Variants in ENOX2 observed in about 807,000 individuals in gnomAD.
ENOX2 encodes APK1 antigen.
A neutral mutation model predicts 45.0 loss-of-function variants in ENOX2; 36 were observed. The ratio of observed to expected loss-of-function variants is 0.80; its 90% CI spans 0.61 to 1.06. The LOEUF (loss-of-function observed/expected upper bound fraction) is 1.06. ENOX2 is among the 50% of genes least tolerant of loss of function. The pLI is 0.00. For missense variants in ENOX2, 423 were observed against 462.5 expected (o/e 0.91, Z 0.78); for synonymous variants, 174 against 152.3 (o/e 1.14, Z -1.05).
At chrX:130,884,387 T>C (rs2078868723) in intron 2 of ENOX2, among the ~76,000 whole-genome samples, 1 of 112,149 alleles carries the variant, frequency 8.9e-6, no homozygotes, top group African/African-American at 3.2e-5. Context: ...CCCATTTTCT[T>C]ATCAACATTC....
At chrX:130,628,366 A>G (rs1052445235) in intron 13 of ENOX2, among the ~76,000 whole-genome samples, 9 of 112,045 alleles carry the variant, frequency 8.0e-5, no homozygotes, top group Non-Finnish European at 1.5e-4. Context: ...CATGTAGAAA[A>G]GCTGGCATTT....
intron 3 of ENOX2, among the ~76,000 whole-genome samples, chrX:130,768,938 A>G (rs1169083565): frequency 9.0e-6 from 1 of 111,431 alleles, no homozygotes; most frequent in Non-Finnish European, 1.9e-5. Context: ...GAGGGGAAGA[A>G]GATGATCGGT....
chrX:130,793,628 T>C (rs914772628), intron 2 of ENOX2, among the ~76,000 whole-genome samples: 2 of 111,984 alleles, frequency 1.8e-5, no homozygotes, highest in East Asian at 5.6e-4. Context: ...TCTAAATCCA[T>C]ATTTTCGTAC....
intron 6 of ENOX2, among the ~76,000 whole-genome samples, chrX:130,673,414 T>C (rs2037042583): frequency 9.3e-6 from 1 of 107,677 alleles, no homozygotes; most frequent in Admixed American, 9.9e-5. Flanking sequence ...CAAGAGAAAG[T>C]TGAAAACTAA....
intron 2 of ENOX2, among the ~76,000 whole-genome samples, chrX:130,865,249 G>A (rs1314459425): frequency 2.7e-5 from 3 of 111,165 alleles, no homozygotes; most frequent in East Asian, 2.8e-4. Flanking sequence ...GAATATATCC[G>A]ATTCAGATGA....
At chrX:130,758,708 T>C (rs998063240) in intron 3 of ENOX2, among the ~76,000 whole-genome samples, 1 of 111,873 alleles carries the variant, frequency 8.9e-6, no homozygotes, top group African/African-American at 3.3e-5. Context: ...GTGATCTAGT[T>C]TCTCTGAATC....
chrX:130,866,323 A>T (rs753752065), intron 2 of ENOX2, among the ~76,000 whole-genome samples: 2 of 111,698 alleles, frequency 1.8e-5, no homozygotes, highest in East Asian at 5.6e-4. Flanking sequence ...TCTCATTCAC[A>T]CTACTTCTAG....
chrX:130,875,414 G>A (rs1190620876), intron 2 of ENOX2, among the ~76,000 whole-genome samples: 1 of 110,908 alleles, frequency 9.0e-6, no homozygotes, highest in East Asian at 2.8e-4. Flanking sequence ...CTGACATAAG[G>A]GCAGGCATAT....
At chrX:130,714,371 A>G (rs2038272448) in intron 3 of ENOX2, among the ~76,000 whole-genome samples, 1 of 111,862 alleles carries the variant, frequency 8.9e-6, no homozygotes, top group African/African-American at 3.2e-5. Flanking sequence ...GTGCATCAGA[A>G]TCACCTTGGG....
At chrX:130,708,612 C>T (rs2038100960) in intron 3 of ENOX2, among the ~76,000 whole-genome samples, 1 of 112,183 alleles carries the variant, frequency 8.9e-6, no homozygotes, top group Admixed American at 9.4e-5. Context: ...CTGTCTCTCC[C>T]CAGAAATTGC....
intron 2 of ENOX2, among the ~76,000 whole-genome samples, chrX:130,789,823 T>G (rs2077016101): frequency 8.9e-6 from 1 of 112,252 alleles, no homozygotes; most frequent in Admixed American, 9.4e-5. Flanking sequence ...CAGGTGCTGT[T>G]GAAGGATTTA....
Position 130,734,475 on chromosome X carries a change from G to A in ENOX2, c.-38-31221C>T, listed in dbSNP as rs182775989. 3.9e-3 allele frequency among the ~76,000 whole-genome samples: 431 copies of A among 111,655 alleles called. 2 individuals are homozygous for A. Among genetic ancestry groups the A allele is most frequent in the African/African-American group, 0.014 (417 of 30,766 alleles). On this transcript the variant is annotated intron_variant, in intron 3 of 14. Coordinates refer to ENST00000394363, the MANE Select transcript of ENOX2 (RefSeq NM_006375.4). Reference sequence around the variant, plus strand: ...GACAGCACGGAAAAGTAAAAGAGAGGGCTGCGAGTTGTAGAGGAGAAAAAA... The same window carrying A: ...GACAGCACGGAAAAGTAAAAGAGAGAGCTGCGAGTTGTAGAGGAGAAAAAA...
intron 6 of ENOX2, among the ~76,000 whole-genome samples, chrX:130,671,062 T>G (rs767856327): frequency 9.0e-6 from 1 of 111,253 alleles, no homozygotes; most frequent in Admixed American, 9.5e-5. Context: ...CAAAAGAGGT[T>G]AGGGAGGTTA....
intron 3 of ENOX2, among the ~76,000 whole-genome samples, chrX:130,745,854 A>G (rs1187931421): frequency 3.6e-5 from 4 of 111,515 alleles, no homozygotes; most frequent in Non-Finnish European, 7.5e-5. Context: ...CTTCATGTTC[A>G]CCCTCCCTTC....
chrX:130,813,075 T>C (rs1412420181), intron 2 of ENOX2, among the ~76,000 whole-genome samples: 1 of 112,089 alleles, frequency 8.9e-6, no homozygotes, highest in Non-Finnish European at 1.9e-5. Context: ...GCTTAACCAG[T>C]AGGTATAATG....
At chrX:130,682,530 G>T (rs1603305080) in intron 5 of ENOX2, among the ~76,000 whole-genome samples, 1 of 86,631 alleles carries the variant, frequency 1.2e-5, no homozygotes, top group East Asian at 4.1e-4. Context: ...CTTGCAGTGA[G>T]CTAAGATCTT....
chrX:130,711,894 G>T (rs1386991130), intron 3 of ENOX2, among the ~76,000 whole-genome samples: 3 of 111,586 alleles, frequency 2.7e-5, no homozygotes, highest in Non-Finnish European at 5.6e-5. Flanking sequence ...TAGTGAGGGT[G>T]GGGTGAGGGC....
At chrX:130,855,259 A>G (rs1298205762) in intron 2 of ENOX2, among the ~76,000 whole-genome samples, 2 of 111,980 alleles carry the variant, frequency 1.8e-5, no homozygotes, top group Non-Finnish European at 3.8e-5. Flanking sequence ...GAATATGTGG[A>G]CACCGAAATT....
At position 130,679,523 on chromosome X, in the gene ENOX2, C is replaced by T. The variant is rs1451386096; in HGVS notation, c.460+19G>A. The stretch of plus-strand genomic sequence containing the variant: ...TGCGTTGTGCCTGGTGGGCACAATC[C>T]TCACATCTAAACACCTACCAGACAG... On this transcript the variant is annotated intron_variant, in intron 6 of 14. Coordinates refer to ENST00000394363, the MANE Select transcript of ENOX2 (RefSeq NM_006375.4). The T allele has an allele frequency of 8.6e-7, 1 of 1,168,109 alleles. No homozygotes were observed. The highest frequency in any genetic ancestry group is 2.2e-5 in the Admixed American group (1 of 45,995).
Sources: gnomAD v4.1 joint callset for allele counts (sites outside exome capture counted in the v4.1 genomes callset) on GRCh38, gnomAD v4.1.1 for gene constraint, MANE v1.5 for transcripts, NCBI Gene and HGNC (gene_info 2026-07-23, HGNC 2026-07-21) for gene names.